Variants in PCNX1 observed in about 807,000 individuals in gnomAD.
PCNX1 encodes pecanex-like protein 1.
A neutral mutation model predicts 242.2 loss-of-function variants in PCNX1; 78 were observed. The observed-to-expected ratio is 0.32, with a 90% confidence interval of 0.27 to 0.39. The LOEUF (loss-of-function observed/expected upper bound fraction) is 0.39. PCNX1 is among the 10% of genes least tolerant of loss of function. The pLI is 1.00. For missense variants in PCNX1, 2,581 were observed against 2,856.5 expected (o/e 0.90, Z 2.20); for synonymous variants, 1,024 against 1,032.9 (o/e 0.99, Z 0.17).
chr14:71,028,741 A>G lies in PCNX1; in HGVS notation c.3508A>G (p.Ser1170Gly). 6.2e-7 allele frequency: 1 copy of G among 1,608,804 alleles called. No individual in the cohort carries two copies. Among genetic ancestry groups the G allele is most frequent in the Non-Finnish European group, 8.5e-7 (1 of 1,177,474 alleles). The change falls in exon 16 of 36, where the codon AGC becomes GGC. Residue 1170 changes from serine to glycine, a missense_variant. Around this residue, in one of 9 missense-constraint regions of PCNX1, gnomAD observed 432 missense variants for 443.1 expected, o/e 0.97. Transcript: ENST00000304743. ...TGCAGCACTTTACAGTTTTATCTGT[A>G]GCATTGTTGCAGTAGCCTTATTGTA... ...LLAALYSFIC[S>G]IVAVALLYGL...
intron 26 of PCNX1, among the ~76,000 whole-genome samples, chr14:71,062,360 T>G (rs753324736): frequency 1.6e-4 from 25 of 151,742 alleles, no homozygotes; most frequent in Non-Finnish European, 3.4e-4. Flanking sequence ...TGTGTTTGTG[T>G]CTTAGTTTTT....
chr14:71,053,017 C>G (rs943798206), intron 24 of PCNX1, among the ~76,000 whole-genome samples: 1 of 152,198 alleles, frequency 6.6e-6, no homozygotes, highest in South Asian at 2.1e-4. Context: ...GCCTTTCTCT[C>G]TATACTTTCA....
chr14:71,033,990 T>C lies in PCNX1; in HGVS notation c.3728T>C (p.Leu1243Pro). 1 of 1,609,524 alleles carries C rather than the reference T, an allele frequency of 6.2e-7. No homozygotes were observed. The highest frequency in any genetic ancestry group is 8.5e-7 in the Non-Finnish European group (1 of 1,177,256). ...GAAGAGAAAAATCCAGAAGACCCTC[T>C]ATCTGAAGTAAAAGATCCACTGCCT... ...KTEEKNPEDP[L>P]SEVKDPLPEK... Residue 1243 changes from leucine to proline, a missense_variant, in exon 18 of 36, where the codon CTA becomes CCA. By Grantham distance (98) the Leu-to-Pro change is moderately conservative. Coordinates refer to ENST00000304743, the MANE Select transcript of PCNX1 (RefSeq NM_014982.3).
In PCNX1 at chr14:71,011,530, G is replaced by A. The variant is rs766796869; in HGVS notation, c.2759G>A (p.Arg920Gln). 7.0e-6 allele frequency: 11 copies of A among 1,564,918 alleles called. No individual in the cohort carries two copies. Among genetic ancestry groups the A allele is most frequent in the East Asian group, 4.5e-5 (2 of 44,542 alleles). Residue 920 changes from arginine to glutamine, a missense_variant, in exon 10 of 36, where the codon CGA (arginine) becomes CAA (glutamine). Coordinates refer to ENST00000304743, the MANE Select transcript of PCNX1 (RefSeq NM_014982.3). Reference sequence around the variant, plus strand: ...CATGTATCCAGTTCTACCTCAGTTCGATTTTATCCACATGATGTGGTAGGT... The same window carrying A: ...CATGTATCCAGTTCTACCTCAGTTCAATTTTATCCACATGATGTGGTAGGT... ...DSHVSSSTSV[R>Q]FYPHDVLSLP... is the part of the protein sequence containing the mutation.
Position 70,941,733 on chromosome 14 carries a change from A to G in PCNX1, c.154-5182A>G, listed in dbSNP as rs368773297. Among the ~76,000 whole-genome samples the G allele has an allele frequency of 3.6e-3, 547 of 152,308 alleles. 1 individual carries two copies. The highest frequency in any genetic ancestry group is 0.013 in the African/African-American group (530 of 41,548). ...AGCTATGCCCTGCCCCCAGAGGTGGATTCTACAGAGGCAGGCAGGCCTCCT... is the reference window on the plus strand; with the variant it reads ...AGCTATGCCCTGCCCCCAGAGGTGGGTTCTACAGAGGCAGGCAGGCCTCCT... On this transcript the variant is annotated intron_variant, in intron 1 of 35. Transcript: ENST00000304743.
At chr14:70,921,443 G>T (rs923695738) in intron 1 of PCNX1, among the ~76,000 whole-genome samples, 3 of 152,044 alleles carry the variant, frequency 2.0e-5, no homozygotes, top group Admixed American at 2.0e-4. Flanking sequence ...AACATGCCAG[G>T]CTAATTTTTG....
In PCNX1 at chr14:71,011,801, A is replaced by G. The variant is rs542840708; in HGVS notation, c.2778+252A>G. ...AAAGTGTTTTGGAAAGTATTTGTCA[A>G]TGCTTAGAGATAGAAATGGCTGTGT... On this transcript the variant is annotated intron_variant, in intron 10 of 35. Transcript: ENST00000304743. 60 of 399,150 alleles carry G rather than the reference A, an allele frequency of 1.5e-4. No individual in the cohort carries two copies. In the East Asian group the frequency reaches 1.9e-3, roughly 13 times the overall value. 24.7% of individuals were successfully genotyped at this position (399,150 alleles called of 1,614,324 possible).
At chr14:70,909,428 A>C (rs2055725527) in intron 1 of PCNX1, among the ~76,000 whole-genome samples, 1 of 152,230 alleles carries the variant, frequency 6.6e-6, no homozygotes, top group Non-Finnish European at 1.5e-5. Flanking sequence ...CCTTCCAGGA[A>C]TATGACATCA....
chr14:70,998,446 C>T (rs1359862638), intron 8 of PCNX1, among the ~76,000 whole-genome samples: 1 of 151,382 alleles, frequency 6.6e-6, no homozygotes, highest in African/African-American at 2.4e-5. Context: ...TTATAAGTGG[C>T]TTAATTTAAA....
chr14:70,913,514 T>C lies in PCNX1; in HGVS notation c.153+5511T>C, dbSNP rs539657988. Among the ~76,000 whole-genome samples, 5 of 152,316 alleles carry C rather than the reference T, an allele frequency of 3.3e-5. No individual in the cohort carries two copies. The East Asian group carries it at 9.6e-4, about 29-fold the overall frequency. On this transcript the variant is annotated intron_variant, in intron 1 of 35. Coordinates refer to ENST00000304743, the MANE Select transcript of PCNX1 (RefSeq NM_014982.3). The stretch of plus-strand genomic sequence containing the variant: ...CATACATACATGATATATACAGTAA[T>C]ATATACCACATAAATCTGTGGAGAG...
intron 1 of PCNX1, among the ~76,000 whole-genome samples, chr14:70,939,425 C>A (rs187277606): frequency 1.3e-5 from 2 of 152,266 alleles, no homozygotes; most frequent in African/African-American, 4.8e-5. Context: ...GTACAGTTTC[C>A]ATGTAGTTGA....
intron 26 of PCNX1, among the ~76,000 whole-genome samples, chr14:71,071,226 C>A (rs1030771840): frequency 6.6e-6 from 1 of 152,222 alleles, no homozygotes; most frequent in Non-Finnish European, 1.5e-5. Flanking sequence ...CCAGACCACT[C>A]AAACATTCTC....
chr14:71,017,795 A>G (rs1249275453), intron 11 of PCNX1, among the ~76,000 whole-genome samples: 2 of 152,214 alleles, frequency 1.3e-5, no homozygotes, highest in Non-Finnish European at 2.9e-5. Flanking sequence ...CCTAAAATCA[A>G]ATGGAAATGC....
chr14:70,921,605 A>G (rs1460926624), intron 1 of PCNX1, among the ~76,000 whole-genome samples: 2 of 152,148 alleles, frequency 1.3e-5, no homozygotes, highest in Non-Finnish European at 2.9e-5. Context: ...AATATTGAAG[A>G]ATACCAGGAT....
At chr14:71,080,685 A>G (rs2061832800) in intron 28 of PCNX1, among the ~76,000 whole-genome samples, 1 of 152,176 alleles carries the variant, frequency 6.6e-6, no homozygotes, top group Admixed American at 6.5e-5. Flanking sequence ...TTATTGCTGT[A>G]TAGGAATGCT....
At chr14:70,973,109 C>T (rs539892149) in intron 5 of PCNX1, among the ~76,000 whole-genome samples, 2 of 151,954 alleles carry the variant, frequency 1.3e-5, no homozygotes, top group South Asian at 2.1e-4. Flanking sequence ...AAAAAATTAC[C>T]TGGGTGTGGT....
intron 16 of PCNX1, chr14:71,031,583 C>G (rs1276576252): frequency 2.0e-6 from 1 of 503,246 alleles, no homozygotes; most frequent in East Asian, 3.9e-5. Flanking sequence ...GAAGGGGACT[C>G]AGTCTAATCC....
At position 70,994,770 on chromosome 14, in the gene PCNX1, A is replaced by G. The variant is rs2059298591; in HGVS notation, c.2445-971A>G. ...GTCAGTTTAAATTTGACTAAATATT[A>G]TACTGAGAACATTAAAATTCATAGT... On this transcript the variant is annotated intron_variant, in intron 7 of 35. Transcript: ENST00000304743. Among the ~76,000 whole-genome samples the G allele has an allele frequency of 2.0e-5, 3 of 152,148 alleles. No homozygotes were observed. In the South Asian group the frequency reaches 6.2e-4, roughly 31 times the overall value.
Position 70,928,162 on chromosome 14 carries a change from G to A in PCNX1, c.154-18753G>A, listed in dbSNP as rs186541160. 2.6e-5 allele frequency among the ~76,000 whole-genome samples: 4 copies of A among 152,140 alleles called. No homozygotes were observed. The East Asian group carries it at 7.7e-4, about 29-fold the overall frequency. ...ATTATACTACGTCTATAAGAATATAGTTATACTTTTATATAGGAGCAAGGA... is the reference window on the plus strand; with the variant it reads ...ATTATACTACGTCTATAAGAATATAATTATACTTTTATATAGGAGCAAGGA... On this transcript the variant is annotated intron_variant, in intron 1 of 35. Coordinates refer to ENST00000304743, the MANE Select transcript of PCNX1 (RefSeq NM_014982.3).
Sources: gnomAD v4.1 joint callset for allele counts (sites outside exome capture counted in the v4.1 genomes callset) on GRCh38, gnomAD v4.1.1 for gene constraint, gnomAD v4.1.1 regional missense constraint, MANE v1.5 for transcripts, NCBI Gene and HGNC (gene_info 2026-07-23, HGNC 2026-07-21) for gene names.